The following HMGCS2 variants were observed in gnomAD, a reference collection of about 807,000 sequenced individuals.
HMGCS2 encodes hydroxymethylglutaryl-CoA synthase, mitochondrial.
Under a neutral mutation model 57.4 loss-of-function variants are expected in HMGCS2, and 50 were observed. That is an observed-to-expected ratio of 0.87 (90% CI 0.69 to 1.10). The LOEUF is 1.10. Ranked by LOEUF, HMGCS2 falls within the 50% of genes least tolerant of loss-of-function variation. The pLI, the probability that HMGCS2 is intolerant of heterozygous loss-of-function variation, is 0.00. For missense variants in HMGCS2, 627 were observed against 636.5 expected (o/e 0.99, Z 0.16); for synonymous variants, 254 against 245.1 (o/e 1.04, Z -0.34).
At chr1:119,760,310 T>A (rs1652996803) in intron 2 of HMGCS2, among the ~76,000 whole-genome samples, 1 of 152,212 alleles carries the variant, frequency 6.6e-6, no homozygotes, top group Admixed American at 6.5e-5. Flanking sequence ...CACACCATGA[T>A]CCTGAAATTA....
chr1:119,763,477 G>T (rs764595598), intron 2 of HMGCS2, among the ~76,000 whole-genome samples: 13 of 152,086 alleles, frequency 8.5e-5, no homozygotes, highest in Non-Finnish European at 1.9e-4. Context: ...ATAACCCTGA[G>T]GCTCAAAGAG....
At chr1:119,752,903 T>A (rs1190557334) in intron 7 of HMGCS2, among the ~76,000 whole-genome samples, 1 of 152,208 alleles carries the variant, frequency 6.6e-6, no homozygotes, top group Non-Finnish European at 1.5e-5. Flanking sequence ...CTTAAATGCA[T>A]GTCCTTAATC....
At chr1:119,765,101 T>C (rs587775125) in intron 1 of HMGCS2, among the ~76,000 whole-genome samples, 54 of 152,306 alleles carry the variant, frequency 3.5e-4, no homozygotes, top group Non-Finnish European at 6.9e-4. Flanking sequence ...TTTTTTTCTC[T>C]TTTTTGAGAC....
Position 119,757,303 on chromosome 1 carries a change from G to A in HMGCS2, c.986C>T (p.Thr329Ile). ...AGCCTCCAGCCCCTTATATAAGCTG[G>A]TTTGTGTGTCACTGCTGGCTGACAG... The part of the protein sequence containing the change: ...DFLSASSDTQ[T>I]SLYKGLEAFG... Residue 329 changes from threonine (T) to isoleucine (I), a missense_variant, in exon 5 of 10, where the codon ACC (threonine) becomes ATC (isoleucine). Thr to Ile is a moderately conservative substitution (Grantham distance 89). Coordinates refer to ENST00000369406, the MANE Select transcript of HMGCS2 (RefSeq NM_005518.4). The A allele has an allele frequency of 1.9e-6, 3 of 1,614,188 alleles. No individual in the cohort carries two copies. The highest frequency in any genetic ancestry group is 2.5e-6 in the Non-Finnish European group (3 of 1,180,022).
At chr1:119,766,306 G>A (rs771048866) in intron 1 of HMGCS2, among the ~76,000 whole-genome samples, 3 of 152,200 alleles carry the variant, frequency 2.0e-5, no homozygotes, top group Admixed American at 6.5e-5. Flanking sequence ...AGTTTCTCAC[G>A]TGTTAGAAAT....
At chr1:119,760,199 G>A (rs913155299) in intron 2 of HMGCS2, among the ~76,000 whole-genome samples, 1 of 152,150 alleles carries the variant, frequency 6.6e-6, no homozygotes, top group Admixed American at 6.5e-5. Flanking sequence ...TCTGTAAAAC[G>A]CTCATTTATT....
chr1:119,755,925 A>G (rs1652825573), intron 5 of HMGCS2, among the ~76,000 whole-genome samples: 1 of 151,976 alleles, frequency 6.6e-6, no homozygotes, highest in Non-Finnish European at 1.5e-5. Context: ...TTTTTCCATG[A>G]CATTCTATAA....
At chr1:119,766,525 A>G (rs3790696) in intron 1 of HMGCS2, among the ~76,000 whole-genome samples, 53,772 of 152,214 alleles carry the variant, frequency 0.35, 9,967 homozygotes, top group Non-Finnish European at 0.41. Context: ...GTGAGGCAGA[A>G]TGATAAATAC....
Position 119,759,921 on chromosome 1 carries a change from C to A in HMGCS2, c.628G>T (p.Gly210Trp). The change falls in exon 3 of 10, where the codon GGG becomes TGG. Residue 210 changes from glycine to tryptophan, a missense_variant. By Grantham distance (184) the Gly-to-Trp change is radical (BLOSUM62 -2). Coordinates refer to ENST00000369406, the MANE Select transcript of HMGCS2 (RefSeq NM_005518.4). ...ATCAGCATAGCCACAGCTCCGGCCC[C>A]ACCTGTGGGACGAGCATTACCACTG... Reference protein sequence around the residue: ...YPSGNARPTGGAGAVAMLIGP... With the variant: ...YPSGNARPTGWAGAVAMLIGP... 1 of 1,614,178 alleles carries A rather than the reference C, an allele frequency of 6.2e-7. No homozygotes were observed. Among genetic ancestry groups the A allele is most frequent in the Non-Finnish European group, 8.5e-7 (1 of 1,179,996 alleles).
At position 119,764,182 on chromosome 1, in the gene HMGCS2, A is replaced by T. The variant is rs1653130925; in HGVS notation, c.549T>A (p.Ser183Arg). The T allele has an allele frequency of 1.9e-6, 3 of 1,613,150 alleles. No individual in the cohort carries two copies. Among genetic ancestry groups the T allele is most frequent in the Non-Finnish European group, 2.5e-6 (3 of 1,180,000 alleles). ...LFNAANWMES[S>R]SWDGRYAMVV... Reference sequence around the variant, plus strand: ...CGTGGCCGTACATACCATCCCAGGAACTGGACTCCATCCAGTTGGCAGCAT... The same window carrying T: ...CGTGGCCGTACATACCATCCCAGGATCTGGACTCCATCCAGTTGGCAGCAT... Residue 183 changes from serine to arginine, a missense_variant, in exon 2 of 10, where the codon AGT becomes AGA. Coordinates refer to ENST00000369406, the MANE Select transcript of HMGCS2 (RefSeq NM_005518.4).
chr1:119,757,541 G>A, intron 4 of HMGCS2, 103 bp from the exon 5 acceptor site: 5 of 1,581,788 alleles, frequency 3.2e-6, no homozygotes, highest in Non-Finnish European at 4.3e-6. Flanking sequence ...GCCTCCCAGG[G>A]AACTACTTCC....
chr1:119,751,548 T>A (rs1201397579), intron 8 of HMGCS2, among the ~76,000 whole-genome samples: 1 of 151,432 alleles, frequency 6.6e-6, no homozygotes, highest in African/African-American at 2.4e-5. Flanking sequence ...TAATTTTATT[T>A]TTTTTATTAT....
intron 6 of HMGCS2, 107 bp from the exon 7 acceptor site, chr1:119,753,493 G>A (rs1009556176): frequency 1.4e-6 from 1 of 712,654 alleles, no homozygotes; most frequent in Non-Finnish European, 2.5e-6. Context: ...TAGAACAACA[G>A]CCTATCATCC....
chr1:119,768,540 G>A (rs1435262484), intron 1 of HMGCS2, among the ~76,000 whole-genome samples: 3 of 152,110 alleles, frequency 2.0e-5, no homozygotes, highest in African/African-American at 4.8e-5. Context: ...TCAGAGGTTT[G>A]GGCTCTTCTC....
chr1:119,754,756 G>T (rs1029513590), intron 6 of HMGCS2, among the ~76,000 whole-genome samples: 4 of 152,138 alleles, frequency 2.6e-5, no homozygotes, highest in African/African-American at 9.7e-5. Context: ...CCCAGGTTGT[G>T]GGCTCTAAAG....
rs1571030681 is a variant in HMGCS2 at position 119,752,638 on chromosome 1, T to G, written c.1331A>C (p.Asp444Ala). ...TCGGGAGGCTAGGCGTTTTGGCAGG[T>G]CTGATGTGCTGGACACCAACTTGTC... ...PLDKLVSSTS[D>A]LPKRLASRKC... The change falls in exon 8 of 10, where the codon GAC (aspartate) becomes GCC (alanine). Residue 444 changes from aspartate (D) to alanine (A), a missense_variant. Physicochemically the swap from Asp to Ala is moderately radical, Grantham distance 126 (BLOSUM62 -2). Transcript: ENST00000369406. 1 of 1,614,132 alleles carries G rather than the reference T, an allele frequency of 6.2e-7. No individual in the cohort carries two copies. Among genetic ancestry groups the G allele is most frequent in the South Asian group, 1.1e-5 (1 of 91,068 alleles).
At chr1:119,764,964 G>A (rs906076232) in intron 1 of HMGCS2, among the ~76,000 whole-genome samples, 1 of 151,896 alleles carries the variant, frequency 6.6e-6, no homozygotes, top group Non-Finnish European at 1.5e-5. Flanking sequence ...TACATCTCTT[G>A]TGATCGGTAT....
chr1:119,749,955 A>G (rs923400492), intron 9 of HMGCS2, among the ~76,000 whole-genome samples: 4 of 140,160 alleles, frequency 2.9e-5, no homozygotes, highest in Admixed American at 2.1e-4. Flanking sequence ...CTGGGTTCAT[A>G]TAAGATTCTT....
Position 119,764,580 on chromosome 1 carries a change from G to A in HMGCS2, c.151C>T (p.Pro51Ser). Residue 51 changes from proline (P) to serine (S), a missense_variant, in exon 2 of 10, where the codon CCA becomes TCA. By Grantham distance (74) the Pro-to-Ser change is moderately conservative. Coordinates refer to ENST00000369406, the MANE Select transcript of HMGCS2 (RefSeq NM_005518.4). Reference sequence around the variant, plus strand: ...AGGGCCAGGATGCCCACGTCCTTTGGCCAAGTATCTGTTTTGGCCAGGGGG... The same window carrying A: ...AGGGCCAGGATGCCCACGTCCTTTGACCAAGTATCTGTTTTGGCCAGGGGG... Reference protein sequence around the residue: ...AVPLAKTDTWPKDVGILALEV... With the variant: ...AVPLAKTDTWSKDVGILALEV... 6.2e-7 allele frequency: 1 copy of A among 1,614,202 alleles called. No homozygotes were observed. The highest frequency in any genetic ancestry group is 8.5e-7 in the Non-Finnish European group (1 of 1,180,038).
Sources: allele counts gnomAD v4.1 joint callset (sites outside exome capture counted in the v4.1 genomes callset), GRCh38; gene constraint gnomAD v4.1.1; transcripts MANE v1.5; gene names NCBI Gene and HGNC (gene_info 2026-07-23, HGNC 2026-07-21).